Variants in XBP1 observed in about 807,000 individuals in gnomAD.
The protein encoded by XBP1 is X-box-binding protein 1.
In XBP1, 18 loss-of-function variants were observed where a neutral mutation model predicts 34.6. That is an observed-to-expected ratio of 0.52 (90% CI 0.36 to 0.77). The LOEUF (loss-of-function observed/expected upper bound fraction) is 0.77. XBP1 is among the 30% of genes least tolerant of loss of function. The pLI, the probability that XBP1 is intolerant of heterozygous loss-of-function variation, is 0.00. For missense variants in XBP1, 422 were observed against 464.6 expected (o/e 0.91, Z 0.84); for synonymous variants, 191 against 193.4 (o/e 0.99, Z 0.11).
At chr22:28,800,547 A>C (rs773731131), upstream of XBP1, 2 of 1,472,354 alleles carry the variant, frequency 1.4e-6, no homozygotes, top group Non-Finnish European at 1.8e-6. Flanking sequence ...CGCACCGCGC[A>C]CCGCGCGCCG....
At position 28,800,034 on chromosome 22, in the gene XBP1, C is replaced by T. The variant is rs760842425; in HGVS notation, c.227+264G>A. ...AGAGGGCCTGGAAGACAGGTGCCCGCATCCCCAGCTCTGGTCATCTCTAAC... is the reference window on the plus strand; with the variant it reads ...AGAGGGCCTGGAAGACAGGTGCCCGTATCCCCAGCTCTGGTCATCTCTAAC... On this transcript the variant is annotated intron_variant, in intron 1 of 5. Coordinates refer to ENST00000344347, the Ensembl canonical transcript of XBP1. 5.1e-6 allele frequency: 4 copies of T among 778,694 alleles called. No individual in the cohort carries two copies. The South Asian group carries it at 5.4e-5, about 10-fold the overall frequency. 48.2% of individuals were successfully genotyped at this position (778,694 alleles called of 1,614,324 possible).
At chr22:28,795,875 A>C in intron 5 of XBP1, 143 bp from the exon 6 acceptor site, 1 of 1,213,924 alleles carries the variant, frequency 8.2e-7, no homozygotes, top group Non-Finnish European at 1.1e-6. Context: ...CCATTTATCT[A>C]CACTTCACTC....
chr22:28,795,110 G>A, downstream of XBP1: 1 of 1,430,038 alleles, frequency 7.0e-7, no homozygotes, highest in Non-Finnish European at 9.3e-7. Flanking sequence ...GTACAGACAG[G>A]CTTCTCTGCT....
At chr22:28,800,257 C>T in intron 1 of XBP1, 41 bp downstream of exon 1, 1 of 1,545,796 alleles carries the variant, frequency 6.5e-7, no homozygotes, top group Non-Finnish European at 8.7e-7. Flanking sequence ...GTCCCTAGTC[C>T]CGGCTTCAGA....
At chr22:28,800,047 G>A in intron 1 of XBP1, 1 of 774,162 alleles carries the variant, frequency 1.3e-6, no homozygotes, top group Non-Finnish European at 2.4e-6. Flanking sequence ...CCCCAGCTCT[G>A]GTCATCTCTA....
chr22:28,795,617 C>A (rs1383584060), exon 6 of XBP1: 2 of 1,613,638 alleles, frequency 1.2e-6, no homozygotes, highest in Non-Finnish European at 1.7e-6. Context: ...TGGTAAGGAA[C>A]TGGGTCCTTC....
chr22:28,799,654 T>C (rs892847661), intron 1 of XBP1, among the ~76,000 whole-genome samples: 2 of 152,174 alleles, frequency 1.3e-5, no homozygotes, highest in Non-Finnish European at 2.9e-5. Flanking sequence ...GACCTGCTGA[T>C]GGGTCCGTGT....
chr22:28,796,088 G>C, exon 5 of XBP1: 2 of 1,614,148 alleles, frequency 1.2e-6, no homozygotes, highest in Non-Finnish European at 8.5e-7. Context: ...TCCATGGGGA[G>C]ATGTTCTGGA....
intron 5 of XBP1, 23 bp from the exon 6 acceptor site, chr22:28,795,755 G>T: frequency 6.6e-7 from 1 of 1,517,830 alleles, no homozygotes; most frequent in South Asian, 1.3e-5. Context: ...AAAATTAAAT[G>T]AAGTACAACT....
In XBP1 at chr22:28,800,362, G is replaced by GC. The variant is rs1386749999; in HGVS notation, c.162dup (p.Leu55AlafsTer43). 2 of 1,543,540 alleles carry GC rather than the reference G, an allele frequency of 1.3e-6. No individual in the cohort carries two copies. Among genetic ancestry groups the GC allele is most frequent in the Non-Finnish European group, 1.7e-6 (2 of 1,147,548 alleles). On this transcript the variant is annotated frameshift_variant, in exon 1 of 6. Coordinates refer to ENST00000344347, the Ensembl canonical transcript of XBP1. LOFTEE classifies it high-confidence loss of function. ...CGCTGTCGCTTGCGCGCCTGGGGCA[G>GC]CCCCCCGCTCGCTGCCTCCGGGCTG...
chr22:28,799,035 G>A (rs373006229), intron 2 of XBP1, 22 bp downstream of exon 2: 258 of 1,595,112 alleles, frequency 1.6e-4, no homozygotes, highest in Admixed American at 3.5e-4. Context: ...GGATAAAAGA[G>A]TTTGACCTTA....
chr22:28,800,218 C>A, intron 1 of XBP1, 80 bp downstream of exon 1: 2 of 1,476,192 alleles, frequency 1.4e-6, no homozygotes, highest in South Asian at 1.2e-5. Context: ...AGTGCTGGGT[C>A]CCCGCTCCCA....
intron 5 of XBP1, 142 bp from the exon 6 acceptor site, chr22:28,795,874 T>A: frequency 8.3e-7 from 1 of 1,210,220 alleles, no homozygotes; most frequent in Non-Finnish European, 1.2e-6. Flanking sequence ...CCCATTTATC[T>A]ACACTTCACT....
Position 28,799,172 on chromosome 22 carries a change from T to TTAGGGCAAAACTGAGAA in XBP1, c.228-20_228-19insTTCTCAGTTTTGCCCTA. 1 of 1,590,266 alleles carries TTAGGGCAAAACTGAGAA rather than the reference T, an allele frequency of 6.3e-7. No individual in the cohort carries two copies. Among genetic ancestry groups the TTAGGGCAAAACTGAGAA allele is most frequent in the Non-Finnish European group, 8.6e-7 (1 of 1,159,846 alleles). ...CAGTTTCCTAGGAAGAGAAGGAACA[T>TTAGGGCAAAACTGAGAA]ACCACACTGAGTCATATCAAACCTT... is the stretch of plus-strand genomic sequence containing the variant. On this transcript the variant is annotated intron_variant, in intron 1 of 5. Transcript: ENST00000344347.
exon 1 of XBP1, chr22:28,800,418 A>G (rs1243420527): frequency 6.6e-7 from 1 of 1,506,554 alleles, no homozygotes; most frequent in Non-Finnish European, 8.8e-7. Context: ...CATGAGCGGC[A>G]GGGCCTGGCC....
chr22:28,797,784 AAAT>A (rs528936651), intron 2 of XBP1, among the ~76,000 whole-genome samples: 304 of 151,706 alleles, frequency 2.0e-3, no homozygotes, highest in Middle Eastern at 0.014. Context: ...CTCCATCTCA[AAAT>A]AATGATGATG....
At chr22:28,797,179 C>T in exon 3 of XBP1, 3 of 1,613,102 alleles carry the variant, frequency 1.9e-6, no homozygotes, top group Non-Finnish European at 1.7e-6. Context: ...CTCGTAAAAG[C>T]TGATTTTCTA....
At chr22:28,795,034 T>G, downstream of XBP1, 80 of 722,446 alleles carry the variant, frequency 1.1e-4, no homozygotes, top group Non-Finnish European at 1.4e-4. Flanking sequence ...GGGTCATCTA[T>G]GAGATCTGAA....
intron 1 of XBP1, 73 bp downstream of exon 1, chr22:28,800,225 C>T: frequency 6.6e-7 from 1 of 1,506,870 alleles, no homozygotes; most frequent in Non-Finnish European, 9.0e-7. Flanking sequence ...GGTCCCCGCT[C>T]CCAGCCCCTG....
Sources: allele counts gnomAD v4.1 joint callset (sites outside exome capture counted in the v4.1 genomes callset), GRCh38; gene constraint gnomAD v4.1.1; transcripts MANE v1.5; gene names NCBI Gene and HGNC (gene_info 2026-07-23, HGNC 2026-07-21).